The following DNAI3 variants were observed in gnomAD, a reference collection of about 807,000 sequenced individuals.
DNAI3 encodes WD repeat domain 63.
A neutral mutation model predicts 115.5 loss-of-function variants in DNAI3; 83 were observed. The observed-to-expected ratio is 0.72, with a 90% CI of 0.60 to 0.86. The LOEUF (loss-of-function observed/expected upper bound fraction) is 0.86, where lower values mean the gene tolerates loss of function less well. Among genes scored for constraint, DNAI3 ranks in the 40% least tolerant of loss-of-function variants. The pLI is 0.00. For synonymous variants in DNAI3, 320 were observed against 347.0 expected (o/e 0.92, Z 0.86); for missense variants, 1,004 against 1,075.8 (o/e 0.93, Z 0.93).
rs1655052664 is a variant in DNAI3 at position 85,093,875 on chromosome 1, C to G, written c.1048+227C>G. On this transcript the variant is annotated intron_variant, in intron 9 of 22. Coordinates refer to ENST00000294664, the MANE Select transcript of DNAI3 (RefSeq NM_145172.5). ...ATCTCTGTTTCACAACAAAAGGACC[C>G]AAGCTCAACTCAGGGAAGTGACTCG... 4 of 647,904 alleles carry G rather than the reference C, an allele frequency of 6.2e-6. No individual in the cohort carries two copies. The African/African-American group carries it at 7.1e-5, about 12-fold the overall frequency. 40.1% of individuals were successfully genotyped at this position (647,904 alleles called of 1,614,324 possible).
Position 85,094,555 on chromosome 1 carries a change from G to T in DNAI3, c.1173G>T (p.Gln391His). The T allele has an allele frequency of 1.2e-6, 2 of 1,613,546 alleles. No homozygotes were observed. Among genetic ancestry groups the T allele is most frequent in the Non-Finnish European group, 8.5e-7 (1 of 1,179,814 alleles). Reference sequence around the variant, plus strand: ...GCTTCTCTGATCCTATACATCCTCAGGTAATTAGGGAGAGTTGCCTACATA... The same window carrying T: ...GCTTCTCTGATCCTATACATCCTCATGTAATTAGGGAGAGTTGCCTACATA... Reference protein sequence around the residue: ...FWSFSDPIHPQLMLESPDDIF... With the variant: ...FWSFSDPIHPHLMLESPDDIF... Residue 391 changes from glutamine (Q) to histidine (H), a missense_variant and splice_region_variant, in exon 10 of 23, where the codon CAG becomes CAT. By Grantham distance (24) the Gln-to-His change is conservative (BLOSUM62 0). Around this residue, in one of 3 missense-constraint regions of DNAI3, gnomAD observed 550 missense variants for 568.1 expected, o/e 0.97. Coordinates refer to ENST00000294664, the MANE Select transcript of DNAI3 (RefSeq NM_145172.5).
At chr1:85,122,205 G>T (rs1441405480) in intron 18 of DNAI3, among the ~76,000 whole-genome samples, 2 of 152,188 alleles carry the variant, frequency 1.3e-5, no homozygotes, top group Non-Finnish European at 2.9e-5. Context: ...CATCTATGTG[G>T]AAAATCTGAG....
rs146956293 is a variant in DNAI3, at chr1:85,093,588, G to A, written c.988G>A (p.Asp330Asn). The A allele has an allele frequency of 1.7e-5, 27 of 1,613,994 alleles. No homozygotes were observed. Among genetic ancestry groups the A allele is most frequent in the South Asian group, 4.4e-5 (4 of 91,080 alleles). Residue 330 changes from aspartate (D) to asparagine (N), a missense_variant, in exon 9 of 23, where the codon GAC becomes AAC. Physicochemically the swap from Asp to Asn is conservative, Grantham distance 23. Around this residue, in one of 3 missense-constraint regions of DNAI3, gnomAD observed 550 missense variants for 568.1 expected, o/e 0.97. Transcript: ENST00000294664. ...CCTGAAAGAGTACCAGTCCTTTACC[G>A]ACCTTCATAGCCCAACGGAGAAAAT... ...THLKEYQSFT[D>N]LHSPTEKMIT...
intron 17 of DNAI3, 87 bp downstream of exon 17, chr1:85,117,946 T>A: frequency 1.4e-6 from 2 of 1,455,484 alleles, no homozygotes; most frequent in Non-Finnish European, 1.9e-6. Context: ...TTTTGCTGTG[T>A]AAAGACATAA....
At chr1:85,123,590 A>T (rs1656047704) in intron 18 of DNAI3, among the ~76,000 whole-genome samples, 1 of 152,198 alleles carries the variant, frequency 6.6e-6, no homozygotes, top group African/African-American at 2.4e-5. Flanking sequence ...TACATGATGC[A>T]TCTCCACAGA....
chr1:85,096,593 T>G (rs755910637), intron 11 of DNAI3, among the ~76,000 whole-genome samples: 1 of 151,064 alleles, frequency 6.6e-6, no homozygotes, highest in Non-Finnish European at 1.5e-5. Flanking sequence ...AATATCAAAT[T>G]TAGATCCTAT....
intron 3 of DNAI3, among the ~76,000 whole-genome samples, chr1:85,074,668 G>A (rs912132998): frequency 1.3e-5 from 2 of 152,090 alleles, no homozygotes; most frequent in Non-Finnish European, 2.9e-5. Context: ...GTCAATTCTC[G>A]TTCGTGTATT....
intron 1 of DNAI3, among the ~76,000 whole-genome samples, chr1:85,064,993 A>G (rs184673626): frequency 4.2e-4 from 64 of 152,274 alleles, no homozygotes; most frequent in African/African-American, 1.5e-3. Context: ...AGATTACGCC[A>G]TTGCACTCCA....
chr1:85,115,710 G>A (rs544398716), intron 16 of DNAI3, among the ~76,000 whole-genome samples: 1 of 151,454 alleles, frequency 6.6e-6, no homozygotes, highest in East Asian at 2.0e-4. Context: ...AGGGGGAGGT[G>A]GGGGCAGGGG....
chr1:85,084,250 G>GTATATATATATATATATATATATA (rs33956396), intron 5 of DNAI3, among the ~76,000 whole-genome samples: 1 of 85,040 alleles, frequency 1.2e-5, no homozygotes, highest in Non-Finnish European at 2.6e-5. Context: ...TCAGCAGTGT[G>GTATATATATATATATATATATATA]TATATATATA....
chr1:85,088,987 AT>A (rs1654881535), intron 7 of DNAI3, among the ~76,000 whole-genome samples: 1 of 152,170 alleles, frequency 6.6e-6, no homozygotes, highest in Non-Finnish European at 1.5e-5. Context: ...AGGAAAAAAA[AT>A]GAATTATTCT....
At chr1:85,094,267 T>G (rs1416725308) in intron 9 of DNAI3, 164 bp from the exon 10 acceptor site, 1 of 849,822 alleles carries the variant, frequency 1.2e-6, no homozygotes. Context: ...ATAAGTAGCA[T>G]GTAACTAGTG....
chr1:85,075,580 A>G lies in DNAI3; in HGVS notation c.103+2488A>G, dbSNP rs533434471. ...TGGGCCCTGACCTTGCCAACTGTTA[A>G]TCAGGGCTGATGGCTGTCATGCTCC... On this transcript the variant is annotated intron_variant, in intron 3 of 22. Coordinates refer to ENST00000294664, the MANE Select transcript of DNAI3 (RefSeq NM_145172.5). Among the ~76,000 whole-genome samples the G allele has an allele frequency of 1.3e-4, 20 of 152,196 alleles. No homozygotes were observed. In the South Asian group the frequency reaches 4.2e-3, roughly 32 times the overall value.
At chr1:85,108,206 C>T in intron 15 of DNAI3, 29 bp downstream of exon 15, 1 of 1,552,990 alleles carries the variant, frequency 6.4e-7, no homozygotes, top group Non-Finnish European at 8.6e-7. Flanking sequence ...TTAGTCCATC[C>T]TGCTTGCATA....
At chr1:85,122,278 A>T (rs1238854140) in intron 18 of DNAI3, among the ~76,000 whole-genome samples, 1 of 152,176 alleles carries the variant, frequency 6.6e-6, no homozygotes, top group Non-Finnish European at 1.5e-5. Flanking sequence ...GTATGGGAAA[A>T]GGGACTGCAG....
chr1:85,121,774 T>A lies in DNAI3; in HGVS notation c.1941T>A (p.Asp647Glu), dbSNP rs1445974743. 1.2e-6 allele frequency: 2 copies of A among 1,614,054 alleles called. No homozygotes were observed. The highest frequency in any genetic ancestry group is 2.7e-5 in the African/African-American group (2 of 74,932). Residue 647 changes from aspartate to glutamate, a missense_variant, in exon 18 of 23, where the codon GAT (aspartate) becomes GAA (glutamate). Physicochemically the swap from Asp to Glu is conservative, Grantham distance 45. Around this residue, in one of 3 missense-constraint regions of DNAI3, gnomAD observed 429 missense variants for 454.3 expected, o/e 0.94. Coordinates refer to ENST00000294664, the MANE Select transcript of DNAI3 (RefSeq NM_145172.5). ...AGGAAGGCGAAGTGATATACACAGA[T>A]TGGAAAATGGAAAAAGACCCTGAAA... The part of the protein sequence containing the change: ...GTEEGEVIYT[D>E]WKMEKDPETG...
In DNAI3 at chr1:85,132,964, T is replaced by C; in HGVS notation, c.2642T>C (p.Val881Ala). Residue 881 changes from valine to alanine, a missense_variant, in exon 23 of 23, where the codon GTC becomes GCC. By Grantham distance (64) the Val-to-Ala change is moderately conservative (BLOSUM62 0). Around this residue, in one of 3 missense-constraint regions of DNAI3, gnomAD observed 429 missense variants for 454.3 expected, o/e 0.94. Transcript: ENST00000294664. ...TVLINLGLIK[V>A]TEKGSYMEVM ...CTTATCAACCTTGGCCTAATCAAAG[T>C]CACAGAGAAGGGGTCATACATGGAG... 6.2e-7 allele frequency: 1 copy of C among 1,613,758 alleles called. No individual in the cohort carries two copies. The highest frequency in any genetic ancestry group is 2.2e-5 in the East Asian group (1 of 44,816).
chr1:85,068,263 G>T (rs1654158336), intron 1 of DNAI3, among the ~76,000 whole-genome samples: 1 of 152,016 alleles, frequency 6.6e-6, no homozygotes, highest in Non-Finnish European at 1.5e-5. Flanking sequence ...TTGAACTCCT[G>T]AACTTCTCTT....
chr1:85,110,101 C>G lies in DNAI3; in HGVS notation c.1752C>G (p.Ser584Arg). The change falls in exon 16 of 23, where the codon AGC (serine) becomes AGG (arginine). Residue 584 changes from serine (S) to arginine (R), a missense_variant. Physicochemically the swap from Ser to Arg is moderately radical, Grantham distance 110. Coordinates refer to ENST00000294664, the MANE Select transcript of DNAI3 (RefSeq NM_145172.5). ...TAGACCACTGTCCAACCAAGATAAG[C>G]CTGAATGAAGACCATCTTCTTTGCA... ...TSLDHCPTKI[S>R]LNEDHLLCKT... The G allele has an allele frequency of 6.2e-7, 1 of 1,613,466 alleles. No individual in the cohort carries two copies. The highest frequency in any genetic ancestry group is 1.7e-5 in the Admixed American group (1 of 59,956).
Sources: allele counts gnomAD v4.1 joint callset (sites outside exome capture counted in the v4.1 genomes callset), GRCh38; gene constraint gnomAD v4.1.1; regional missense constraint gnomAD v4.1.1; transcripts MANE v1.5; gene names NCBI Gene and HGNC (gene_info 2026-07-23, HGNC 2026-07-21).